Variants in PAIP2B observed in about 807,000 individuals in gnomAD.
The protein encoded by PAIP2B is poly(A) binding protein interacting protein 2B.
In PAIP2B, 13 loss-of-function variants were observed where a neutral mutation model predicts 17.0. The observed-to-expected ratio is 0.76, with a 90% confidence interval of 0.50 to 1.22. The LOEUF is 1.22. PAIP2B is among the 50% of genes most tolerant of loss of function. The pLI is 0.00. For missense variants in PAIP2B, 117 were observed against 144.5 expected (o/e 0.81, Z 0.98); for synonymous variants, 43 against 48.7 (o/e 0.88, Z 0.48).
chr2:71,212,293 G>A (rs1394379512), intron 1 of PAIP2B, among the ~76,000 whole-genome samples: 2 of 152,156 alleles, frequency 1.3e-5, no homozygotes, highest in African/African-American at 4.8e-5. Context: ...TTGATTGTAT[G>A]TATATTTGAG....
chr2:71,218,436 AG>A (rs1402287927), intron 1 of PAIP2B, among the ~76,000 whole-genome samples: 1 of 152,198 alleles, frequency 6.6e-6, no homozygotes, highest in Non-Finnish European at 1.5e-5. Flanking sequence ...CAAAAGCACT[AG>A]AAATTAAAGA....
Position 71,188,485 on chromosome 2 carries a change from C to T in PAIP2B, c.366G>A (p.Lys122=). 6.2e-7 allele frequency: 1 copy of T among 1,607,962 alleles called. No homozygotes were observed. The highest frequency in any genetic ancestry group is 8.5e-7 in the Non-Finnish European group (1 of 1,176,826). Residue 122 remains lysine (K), a synonymous_variant, in exon 4 of 4, where the codon AAG becomes AAA. Transcript: ENST00000244221. The stretch of plus-strand genomic sequence containing the variant: ...TCCTCAAAGCTTTCTCGGCTCAGTA[C>T]TTCTCTCCTGGAATAAACTCCTTGG... ...PDAKEFIPGE[K]Y
intron 1 of PAIP2B, among the ~76,000 whole-genome samples, chr2:71,223,471 C>T (rs1461810218): frequency 1.3e-5 from 2 of 149,224 alleles, no homozygotes; most frequent in African/African-American, 4.9e-5. Flanking sequence ...TGGAGTCTCA[C>T]TCTGTCACCC....
intron 2 of PAIP2B, among the ~76,000 whole-genome samples, chr2:71,195,849 C>G: frequency 6.6e-6 from 1 of 152,098 alleles, no homozygotes; most frequent in East Asian, 1.9e-4. Context: ...GTTGGCCAGG[C>G]TGGTCTCAAA....
chr2:71,202,099 A>G, intron 2 of PAIP2B, among the ~76,000 whole-genome samples: 1 of 152,240 alleles, frequency 6.6e-6, no homozygotes, highest in East Asian at 1.9e-4. Context: ...TGTAATGTGA[A>G]CTACACTTAG....
intron 2 of PAIP2B, among the ~76,000 whole-genome samples, chr2:71,198,273 C>T (rs1162003614): frequency 6.7e-6 from 1 of 149,332 alleles, no homozygotes; most frequent in Non-Finnish European, 1.5e-5. Context: ...TGCCTGCCAC[C>T]AGGCCCAGCT....
At position 71,211,238 on chromosome 2, in the gene PAIP2B, G is replaced by T. The variant is rs550797854; in HGVS notation, c.-11-8638C>A. Among the ~76,000 whole-genome samples, 17 of 150,396 alleles carry T rather than the reference G, an allele frequency of 1.1e-4. No individual in the cohort carries two copies. The East Asian group carries it at 1.9e-3, about 16-fold the overall frequency. ...TGCACCATCACACTCCAGCCTAGGGGACAAAAGCAAGACTTGTCTCAAAAA... is the reference window on the plus strand; with the variant it reads ...TGCACCATCACACTCCAGCCTAGGGTACAAAAGCAAGACTTGTCTCAAAAA... On this transcript the variant is annotated intron_variant, in intron 1 of 3. Transcript: ENST00000244221.
chr2:71,210,114 C>A (rs1675258062), intron 1 of PAIP2B, among the ~76,000 whole-genome samples: 1 of 152,020 alleles, frequency 6.6e-6, no homozygotes, highest in South Asian at 2.1e-4. Flanking sequence ...CATGAGCCAC[C>A]ACTCCCAGCC....
chr2:71,202,310 G>C, intron 2 of PAIP2B, 142 bp downstream of exon 2: 1 of 1,023,266 alleles, frequency 9.8e-7, no homozygotes, highest in Non-Finnish European at 1.4e-6. Flanking sequence ...GGTCATTCCA[G>C]ATGAGGCCCC....
At chr2:71,190,609 C>T (rs1450216256) in intron 2 of PAIP2B, among the ~76,000 whole-genome samples, 4 of 152,146 alleles carry the variant, frequency 2.6e-5, no homozygotes, top group Non-Finnish European at 4.4e-5. Flanking sequence ...TTCAAGGTCT[C>T]CGCAGATGTT....
intron 2 of PAIP2B, among the ~76,000 whole-genome samples, chr2:71,194,493 G>GT: frequency 6.8e-6 from 1 of 147,836 alleles, no homozygotes; most frequent in Admixed American, 6.8e-5. Context: ...GTGTGTGTGT[G>GT]GCAACTGTGA....
intron 2 of PAIP2B, among the ~76,000 whole-genome samples, chr2:71,190,500 C>T (rs918503816): frequency 1.3e-5 from 2 of 152,110 alleles, no homozygotes; most frequent in African/African-American, 2.4e-5. Flanking sequence ...GGATTCAATG[C>T]GCCTAATGAC....
Position 71,186,795 on chromosome 2 carries a change from T to C in PAIP2B, c.*1684A>G, listed in dbSNP as rs1362360324. The C allele has an allele frequency of 2.0e-5, 3 of 152,220 alleles. No individual in the cohort carries two copies. The highest frequency in any genetic ancestry group is 4.4e-5 in the Non-Finnish European group (3 of 68,044). The allele number at this position is 152,220 out of a possible 1,614,324, so 9.4% of individuals were successfully genotyped here. On this transcript the variant is annotated 3_prime_UTR_variant, in exon 4 of 4. Coordinates refer to ENST00000244221, the MANE Select transcript of PAIP2B (RefSeq NM_020459.1). ...ATGCAAGTTCTCTAAGCTACTCTCC[T>C]ATGACATGTGACCTAACAAGGAAGG...
chr2:71,193,719 T>C (rs1558772828), intron 2 of PAIP2B, among the ~76,000 whole-genome samples: 1 of 151,932 alleles, frequency 6.6e-6, no homozygotes, highest in Admixed American at 6.6e-5. Context: ...CCGGGTGTGG[T>C]GGCAGGCACC....
chr2:71,223,717 A>G (rs1675650779), intron 1 of PAIP2B, among the ~76,000 whole-genome samples: 2 of 152,156 alleles, frequency 1.3e-5, no homozygotes, highest in African/African-American at 4.8e-5. Context: ...GATTACAGGC[A>G]TGAACCACCA....
In PAIP2B at chr2:71,202,435, T is replaced by G; in HGVS notation, c.138+17A>C. 2 of 1,609,706 alleles carry G rather than the reference T, an allele frequency of 1.2e-6. No individual in the cohort carries two copies. Among genetic ancestry groups the G allele is most frequent in the Non-Finnish European group, 1.7e-6 (2 of 1,178,522 alleles). On this transcript the variant is annotated intron_variant, in intron 2 of 3. Coordinates refer to ENST00000244221, the MANE Select transcript of PAIP2B (RefSeq NM_020459.1). ...ACATGTATCATCAATCTTCCACTTT[T>G]CCAGTTCTTTCTTTACCTGTCTGTT...
At chr2:71,220,225 AT>A (rs1675547716) in intron 1 of PAIP2B, among the ~76,000 whole-genome samples, 1 of 152,208 alleles carries the variant, frequency 6.6e-6, no homozygotes, top group South Asian at 2.1e-4. Context: ...CTAGGCTGAA[AT>A]ATTAGCCCCT....
At chr2:71,207,332 G>C (rs1393501225) in intron 1 of PAIP2B, among the ~76,000 whole-genome samples, 1 of 152,118 alleles carries the variant, frequency 6.6e-6, no homozygotes. Flanking sequence ...AGGCAGGAGG[G>C]AATTTTCGGG....
intron 2 of PAIP2B, among the ~76,000 whole-genome samples, chr2:71,198,109 A>G (rs1674870645): frequency 1.3e-5 from 2 of 151,804 alleles, no homozygotes; most frequent in African/African-American, 4.8e-5. Flanking sequence ...TTCTTGCTTT[A>G]TTTTTGACTG....
Sources: allele counts gnomAD v4.1 joint callset (sites outside exome capture counted in the v4.1 genomes callset), GRCh38; gene constraint gnomAD v4.1.1; transcripts MANE v1.5; gene names NCBI Gene and HGNC (gene_info 2026-07-23, HGNC 2026-07-21).